The following SMARCA5 variants were observed in gnomAD, a reference collection of about 807,000 sequenced individuals.
SMARCA5 encodes SNF2 related chromatin remodeling ATPase 5, also known as SWI/SNF-related matrix-associated actin-dependent regulator of chromatin subfamily A member 5.
Under a neutral mutation model 140.4 loss-of-function variants are expected in SMARCA5, and 18 were observed. That is an observed-to-expected ratio of 0.13 (90% CI 0.09 to 0.19). The LOEUF (loss-of-function observed/expected upper bound fraction) is 0.19. SMARCA5 is among the 10% of genes least tolerant of loss of function. SMARCA5 has a pLI of 1.00. For missense variants in SMARCA5, 606 were observed against 1,276.8 expected (o/e 0.47, Z 8.01); for synonymous variants, 449 against 419.6 (o/e 1.07, Z -0.86).
At chr4:143,532,164 T>C (rs988305151) in intron 9 of SMARCA5, among the ~76,000 whole-genome samples, 8 of 152,210 alleles carry the variant, frequency 5.3e-5, no homozygotes, top group Non-Finnish European at 1.0e-4. Context: ...TCTTAAATAT[T>C]GAGAGTTTTG....
rs888105262 is a variant in SMARCA5 at position 143,554,360 on chromosome 4, T to C, written c.*1176T>C. On this transcript the variant is annotated 3_prime_UTR_variant, in exon 24 of 24. Coordinates refer to ENST00000283131, the MANE Select transcript of SMARCA5 (RefSeq NM_003601.4). ...TAGCATCGTGAATAAATATAACTTT[T>C]ATAATCCGTAAAGTGGTCTTTTCTT... 3 of 152,198 alleles carry C rather than the reference T, an allele frequency of 2.0e-5. No homozygotes were observed. The highest frequency in any genetic ancestry group is 2.9e-5 in the Non-Finnish European group (2 of 68,026). 9.4% of individuals were successfully genotyped at this position (152,198 alleles called of 1,614,324 possible).
rs560416632 is a variant in SMARCA5, at chr4:143,530,169, C to T, written c.1090-289C>T. Among the ~76,000 whole-genome samples, 250 of 152,268 alleles carry T rather than the reference C, an allele frequency of 1.6e-3. 3 individuals are homozygous for T. The highest frequency in any genetic ancestry group is 3.1e-3 in the African/African-American group (127 of 41,562). Reference sequence around the variant, plus strand: ...TTTATGAAACTTGAAAGATACTTTACAAGAATATTAATTTTCTAATCCTAT... The same window carrying T: ...TTTATGAAACTTGAAAGATACTTTATAAGAATATTAATTTTCTAATCCTAT... On this transcript the variant is annotated intron_variant, in intron 8 of 23. Transcript: ENST00000283131.
At chr4:143,538,963 T>G in intron 13 of SMARCA5, 25 bp downstream of exon 13, 2 of 1,605,418 alleles carry the variant, frequency 1.2e-6, no homozygotes, top group Non-Finnish European at 1.7e-6. Flanking sequence ...ATAAATATAT[T>G]CTGTGCTTAG....
intron 3 of SMARCA5, among the ~76,000 whole-genome samples, chr4:143,522,053 T>A (rs1414416075): frequency 2.0e-5 from 3 of 152,198 alleles, no homozygotes; most frequent in Non-Finnish European, 4.4e-5. Context: ...GTGGCTTGTT[T>A]AACATCACAT....
At chr4:143,538,476 T>TATCATTAAA in intron 11 of SMARCA5, 114 bp from the exon 12 acceptor site, 1 of 839,146 alleles carries the variant, frequency 1.2e-6, no homozygotes, top group Non-Finnish European at 1.9e-6. Flanking sequence ...TTCCCCCTTG[T>TATCATTAAA]AACCAAGTAG....
intron 19 of SMARCA5, among the ~76,000 whole-genome samples, chr4:143,546,520 C>A (rs1737529298): frequency 6.6e-6 from 1 of 152,102 alleles, no homozygotes; most frequent in Admixed American, 6.6e-5. Flanking sequence ...AGTAATCCTT[C>A]AAAGCTCAGT....
chr4:143,539,317 T>G (rs1277129773), intron 13 of SMARCA5, among the ~76,000 whole-genome samples: 1 of 152,152 alleles, frequency 6.6e-6, no homozygotes, highest in African/African-American at 2.4e-5. Context: ...AGGGAATTGG[T>G]AAATTATAGT....
intron 8 of SMARCA5, 49 bp downstream of exon 8, chr4:143,528,763 GCTATATATTTTTGTAATAAA>G (rs752014281): frequency 1.9e-6 from 3 of 1,551,180 alleles, no homozygotes; most frequent in Non-Finnish European, 2.6e-6. Context: ...TTTGCTTAAT[GCTATATATTTTTGTAATAAA>G]AGTGGCCTGC....
chr4:143,520,983 GCA>G (rs1341710964), intron 2 of SMARCA5, among the ~76,000 whole-genome samples: 1 of 152,058 alleles, frequency 6.6e-6, no homozygotes, highest in Admixed American at 6.6e-5. Context: ...CACTTGTATT[GCA>G]CAGTGTTTAA....
intron 2 of SMARCA5, 64 bp from the exon 3 acceptor site, chr4:143,521,365 A>G (rs1431675660): frequency 1.6e-6 from 2 of 1,227,352 alleles, no homozygotes; most frequent in African/African-American, 1.5e-5. Flanking sequence ...GCATGCTGAA[A>G]CTTTGATTTC....
At position 143,514,001 on chromosome 4, in the gene SMARCA5, G is replaced by T; in HGVS notation, c.77G>T (p.Ser26Ile). The change falls in exon 1 of 24, where the codon AGC (serine) becomes ATC (isoleucine). Residue 26 changes from serine (S) to isoleucine (I), a missense_variant. By Grantham distance (142) the Ser-to-Ile change is moderately radical. Transcript: ENST00000283131. Reference sequence around the variant, plus strand: ...TCCAAGCCCGCAGCCTCGATCGCCAGCGGCGGGAGCAACAGCAGCAACAAA... The same window carrying T: ...TCCAAGCCCGCAGCCTCGATCGCCATCGGCGGGAGCAACAGCAGCAACAAA... ...APSKPAASIA[S>I]GGSNSSNKGG... 6.5e-7 allele frequency: 1 copy of T among 1,549,028 alleles called. No individual in the cohort carries two copies. The highest frequency in any genetic ancestry group is 8.7e-7 in the Non-Finnish European group (1 of 1,154,152).
chr4:143,544,303 T>G (rs1313275411), intron 16 of SMARCA5: 5 of 181,742 alleles, frequency 2.8e-5, no homozygotes, highest in Non-Finnish European at 5.6e-5. Flanking sequence ...GAAAAATTTC[T>G]TAACTTCATA....
chr4:143,517,100 T>C (rs1175533347), intron 1 of SMARCA5, among the ~76,000 whole-genome samples: 1 of 152,220 alleles, frequency 6.6e-6, no homozygotes, highest in East Asian at 1.9e-4. Context: ...TTTAGGATGA[T>C]GAAGATAATC....
intron 8 of SMARCA5, 70 bp from the exon 9 acceptor site, chr4:143,530,388 A>C: frequency 1.1e-6 from 1 of 927,290 alleles, no homozygotes. Flanking sequence ...AATCATTTCT[A>C]TATCTGGTAT....
chr4:143,535,459 A>G (rs531219997), intron 10 of SMARCA5, among the ~76,000 whole-genome samples: 4 of 152,286 alleles, frequency 2.6e-5, no homozygotes, highest in South Asian at 2.1e-4. Context: ...TTAAATTTTG[A>G]TAAGTATTTG....
chr4:143,515,688 C>T (rs560125542), intron 1 of SMARCA5, among the ~76,000 whole-genome samples: 1 of 152,128 alleles, frequency 6.6e-6, no homozygotes, highest in South Asian at 2.1e-4. Flanking sequence ...TAAGTTCAAA[C>T]GTGAGTATAG....
rs1168134550 is a variant in SMARCA5, at chr4:143,536,672, G to A, written c.1489G>A (p.Glu497Lys). ...VLDKLLPKLK[E>K]QGSRVLIFSQ... ...AGACAAGCTGCTCCCTAAGTTAAAAGAACAAGGTATCGGTTACCCGTATCA... is the reference window on the plus strand; with the variant it reads ...AGACAAGCTGCTCCCTAAGTTAAAAAAACAAGGTATCGGTTACCCGTATCA... Residue 497 changes from glutamate (E) to lysine (K), a missense_variant, in exon 11 of 24, where the codon GAA becomes AAA. Physicochemically the swap from Glu to Lys is moderately conservative, Grantham distance 56. Coordinates refer to ENST00000283131, the MANE Select transcript of SMARCA5 (RefSeq NM_003601.4). 9 of 1,607,452 alleles carry A rather than the reference G, an allele frequency of 5.6e-6. No homozygotes were observed. Among genetic ancestry groups the A allele is most frequent in the Admixed American group, 1.7e-5 (1 of 59,902 alleles).
intron 11 of SMARCA5, among the ~76,000 whole-genome samples, chr4:143,537,959 A>G (rs1287881254): frequency 6.6e-6 from 1 of 151,702 alleles, no homozygotes; most frequent in Non-Finnish European, 1.5e-5. Flanking sequence ...TTTGAGGTGC[A>G]GGAACGTGTG....
In SMARCA5 at chr4:143,536,505, T is replaced by C; in HGVS notation, c.1322T>C (p.Met441Thr). 1 of 1,613,900 alleles carries C rather than the reference T, an allele frequency of 6.2e-7. No homozygotes were observed. Among genetic ancestry groups the C allele is most frequent in the Admixed American group, 1.7e-5 (1 of 60,016 alleles). The change falls in exon 11 of 24, where the codon ATG becomes ACG. Residue 441 changes from methionine (M) to threonine (T), a missense_variant. Met to Thr is a moderately conservative substitution (Grantham distance 81). Coordinates refer to ENST00000283131, the MANE Select transcript of SMARCA5 (RefSeq NM_003601.4). ...GATATACTCAACTCAGCAGGCAAGA[T>C]GGACAAAATGAGGTTATTGAACATC... is the stretch of plus-strand genomic sequence containing the variant. ...DIDILNSAGKMDKMRLLNILM... is the reference protein window; with the variant it reads ...DIDILNSAGKTDKMRLLNILM...
Sources: gnomAD v4.1 joint callset for allele counts (sites outside exome capture counted in the v4.1 genomes callset) on GRCh38, gnomAD v4.1.1 for gene constraint, MANE v1.5 for transcripts, NCBI Gene and HGNC (gene_info 2026-07-23, HGNC 2026-07-21) for gene names.